Variants in SASS6 observed in about 807,000 individuals in gnomAD.
SASS6 encodes spindle assembly abnormal protein 6 homolog.
SASS6 carries 59 observed loss-of-function variants against 94.9 expected under a neutral mutation model. The observed-to-expected ratio is 0.62, with a 90% confidence interval of 0.50 to 0.77. The LOEUF (loss-of-function observed/expected upper bound fraction) is 0.77, where lower values mean the gene tolerates loss of function less well. SASS6 is among the 30% of genes least tolerant of loss of function. The pLI, the probability that SASS6 is intolerant of heterozygous loss-of-function variation, is 0.00. For missense variants in SASS6, 698 were observed against 734.1 expected, an observed-to-expected ratio of 0.95 and a Z score of 0.57; for synonymous variants, 264 against 270.0, an observed-to-expected ratio of 0.98 and a Z score of 0.22.
intron 14 of SASS6, among the ~76,000 whole-genome samples, chr1:100,093,145 C>T (rs938203981): frequency 3.3e-5 from 5 of 150,990 alleles, no homozygotes; most frequent in South Asian, 2.1e-4. Context: ...AGAACATTAT[C>T]CCAACAAAAA....
At chr1:100,112,942 A>C (rs1653454567) in intron 7 of SASS6, among the ~76,000 whole-genome samples, 1 of 152,340 alleles carries the variant, frequency 6.6e-6, no homozygotes, top group East Asian at 1.9e-4. Context: ...ATTATCTATT[A>C]GCAGGAAGAG....
At chr1:100,110,036 T>C (rs527985023) in intron 8 of SASS6, among the ~76,000 whole-genome samples, 4 of 152,150 alleles carry the variant, frequency 2.6e-5, no homozygotes, top group African/African-American at 4.8e-5. Context: ...TAAAAACATA[T>C]TGATAAATCT....
chr1:100,132,542 C>G (rs1655147355), intron 1 of SASS6, among the ~76,000 whole-genome samples: 1 of 152,178 alleles, frequency 6.6e-6, no homozygotes, highest in East Asian at 1.9e-4. Context: ...GGCTTCCTAA[C>G]TCCTCACACC....
At chr1:100,087,540 AACC>A (rs1473526398) in intron 15 of SASS6, among the ~76,000 whole-genome samples, 1 of 152,182 alleles carries the variant, frequency 6.6e-6, no homozygotes, top group Non-Finnish European at 1.5e-5. Context: ...GGTTTGATTT[AACC>A]ACAAGTCATT....
Position 100,085,107 on chromosome 1 carries a change from C to A in SASS6, c.*221G>T. Reference sequence around the variant, plus strand: ...ATTATTCTATAAAACGCCATGTTCACAAACCAAAAAATGTCATTTACTCAC... The same window carrying A: ...ATTATTCTATAAAACGCCATGTTCAAAAACCAAAAAATGTCATTTACTCAC... On this transcript the variant is annotated 3_prime_UTR_variant, in exon 17 of 17. Coordinates refer to ENST00000287482, the MANE Select transcript of SASS6 (RefSeq NM_194292.3). The A allele has an allele frequency of 2.1e-6, 1 of 478,770 alleles. No individual in the cohort carries two copies. Among genetic ancestry groups the A allele is most frequent in the Non-Finnish European group, 3.7e-6 (1 of 267,922 alleles). 29.7% of individuals were successfully genotyped at this position (478,770 alleles called of 1,614,324 possible).
At chr1:100,106,106 T>C (rs1280136437) in intron 12 of SASS6, among the ~76,000 whole-genome samples, 1 of 152,198 alleles carries the variant, frequency 6.6e-6, no homozygotes. Context: ...GACTCCTTAT[T>C]GTATTACTTT....
intron 13 of SASS6, among the ~76,000 whole-genome samples, chr1:100,103,320 C>G (rs1238300026): frequency 6.6e-6 from 1 of 152,104 alleles, no homozygotes; most frequent in South Asian, 2.1e-4. Flanking sequence ...AAACAAACTA[C>G]TGGGCCTGCC....
intron 14 of SASS6, among the ~76,000 whole-genome samples, chr1:100,089,196 G>T (rs1651515934): frequency 6.6e-6 from 1 of 151,960 alleles, no homozygotes; most frequent in African/African-American, 2.4e-5. Flanking sequence ...TAAACTTTAA[G>T]ACACAGCATC....
At chr1:100,104,271 C>T (rs1570693072) in intron 13 of SASS6, among the ~76,000 whole-genome samples, 1 of 152,150 alleles carries the variant, frequency 6.6e-6, no homozygotes, top group Non-Finnish European at 1.5e-5. Flanking sequence ...GATTATGAAA[C>T]AGTCTTGTTT....
intron 7 of SASS6, among the ~76,000 whole-genome samples, chr1:100,117,150 C>T (rs1311539363): frequency 2.0e-5 from 3 of 151,466 alleles, no homozygotes; most frequent in Non-Finnish European, 2.9e-5. Flanking sequence ...AAAATTTAGC[C>T]GGGCATGGTG....
At position 100,110,403 on chromosome 1, in the gene SASS6, T is replaced by C. The variant is rs543422632; in HGVS notation, c.750A>G (p.Leu250=). ...EILHQQNIHQ[L]QNRLSELEAA... ...CTTCTAACTCAGACAGTCTGTTTTGTAGCTGGTGGATGTTTTGTTGATGGA... is the reference window on the plus strand; with the variant it reads ...CTTCTAACTCAGACAGTCTGTTTTGCAGCTGGTGGATGTTTTGTTGATGGA... The change falls in exon 8 of 17, where the codon CTA becomes CTG. Residue 250 remains leucine, a synonymous_variant. Transcript: ENST00000287482. 6 of 1,610,936 alleles carry C rather than the reference T, an allele frequency of 3.7e-6. No individual in the cohort carries two copies. The highest frequency in any genetic ancestry group is 3.3e-5 in the South Asian group (3 of 90,946).
In SASS6 at chr1:100,107,699, C is replaced by T. The variant is rs773758946; in HGVS notation, c.1075G>A (p.Gly359Ser). Reference protein sequence around the residue: ...QEQKVVLEENGEKNQVQLGKL... With the variant: ...QEQKVVLEENSEKNQVQLGKL... ...CCTAGTTGTACTTGATTTTTCTCAC[C>T]ATTTTCTTCTAAAACCACCTGATAT... is the stretch of plus-strand genomic sequence containing the variant. Residue 359 changes from glycine to serine, a missense_variant, in exon 10 of 17, where the codon GGT (glycine) becomes AGT (serine). By Grantham distance (56) the Gly-to-Ser change is moderately conservative. Coordinates refer to ENST00000287482, the MANE Select transcript of SASS6 (RefSeq NM_194292.3). The T allele has an allele frequency of 3.7e-6, 6 of 1,601,876 alleles. No individual in the cohort carries two copies. The highest frequency in any genetic ancestry group is 5.1e-6 in the Non-Finnish European group (6 of 1,172,406).
At chr1:100,117,086 G>C (rs541010590) in intron 7 of SASS6, among the ~76,000 whole-genome samples, 2 of 152,126 alleles carry the variant, frequency 1.3e-5, no homozygotes, top group Non-Finnish European at 2.9e-5. Flanking sequence ...CTAAGGTCAG[G>C]AGTTCGAGAC....
chr1:100,132,881 G>A lies in SASS6; in HGVS notation c.-67C>T, dbSNP rs1179613561. 2 of 1,435,222 alleles carry A rather than the reference G, an allele frequency of 1.4e-6. No individual in the cohort carries two copies. Among genetic ancestry groups the A allele is most frequent in the Non-Finnish European group, 9.8e-7 (1 of 1,019,488 alleles). 88.9% of individuals were successfully genotyped at this position (1,435,222 alleles called of 1,614,324 possible). On this transcript the variant is annotated 5_prime_UTR_variant, in exon 1 of 17. Transcript: ENST00000287482. ...GGCCCGGCCCTCGGGATTAGCCTGAGAGGTCCGGGTCCTGATAAAGTTTGA... is the reference window on the plus strand; with the variant it reads ...GGCCCGGCCCTCGGGATTAGCCTGAAAGGTCCGGGTCCTGATAAAGTTTGA...
rs781201918 is a variant in SASS6 at position 100,102,969 on chromosome 1, C to A, written c.1660G>T (p.Gly554Cys). The change falls in exon 14 of 17, where the codon GGT becomes TGT. Residue 554 changes from glycine to cysteine, a missense_variant. Physicochemically the swap from Gly to Cys is radical, Grantham distance 159. Coordinates refer to ENST00000287482, the MANE Select transcript of SASS6 (RefSeq NM_194292.3). ...SISAKNTSHP[G>C]SGTKVQFNLQ... ...AATTTGGCTACCTTTGTTCCTGAAC[C>A]AGGGTGGCTGGTATTTTTGGCAGAT... 3 of 1,611,594 alleles carry A rather than the reference C, an allele frequency of 1.9e-6. No individual in the cohort carries two copies. The South Asian group carries it at 3.3e-5, about 18-fold the overall frequency.
intron 7 of SASS6, among the ~76,000 whole-genome samples, chr1:100,113,373 C>T (rs1557889641): frequency 3.3e-5 from 5 of 152,036 alleles, no homozygotes; most frequent in Middle Eastern, 3.2e-3. Flanking sequence ...CTTTGGGAGG[C>T]TGAGGCGGGC....
chr1:100,083,807 G>C lies in SASS6; in HGVS notation c.*1521C>G, dbSNP rs1469055883. ...CTTTCCTTGTGTATATATATGCAAA[G>C]AGATACCTATATTTTAAAAAAGAGA... On this transcript the variant is annotated 3_prime_UTR_variant, in exon 17 of 17. Transcript: ENST00000287482. 1 of 151,904 alleles carries C rather than the reference G, an allele frequency of 6.6e-6. No individual in the cohort carries two copies. Among genetic ancestry groups the C allele is most frequent in the Non-Finnish European group, 1.5e-5 (1 of 67,904 alleles). The allele number at this position is 151,904 out of a possible 1,614,324, so 9.4% of individuals were successfully genotyped here. A position where few individuals can be genotyped will look rare whatever the true frequency, so the allele number is the denominator to read the frequency against.
chr1:100,110,300 C>T lies in SASS6; in HGVS notation c.853G>A (p.Val285Ile), dbSNP rs1013226851. The T allele has an allele frequency of 1.9e-6, 3 of 1,560,380 alleles. No individual in the cohort carries two copies. Among genetic ancestry groups the T allele is most frequent in the Non-Finnish European group, 1.7e-6 (2 of 1,157,924 alleles). ...IRELKAKLSG[V>I]EEELQRTKQE... ...AAAACAACATTCAATACCTCTTCAA[C>T]ACCAGAAAGTTTTGCTTTAAGTTCT... The change falls in exon 8 of 17, where the codon GTT becomes ATT. Residue 285 changes from valine (V) to isoleucine (I), a missense_variant. Physicochemically the swap from Val to Ile is conservative, Grantham distance 29. Coordinates refer to ENST00000287482, the MANE Select transcript of SASS6 (RefSeq NM_194292.3).
At chr1:100,117,631 C>T (rs971031648) in intron 7 of SASS6, among the ~76,000 whole-genome samples, 7 of 149,082 alleles carry the variant, frequency 4.7e-5, no homozygotes, top group Admixed American at 4.0e-4. Flanking sequence ...CCAGTCTGAG[C>T]GACAGAGCGA....
Sources: allele counts gnomAD v4.1 joint callset (sites outside exome capture counted in the v4.1 genomes callset), GRCh38; gene constraint gnomAD v4.1.1; transcripts MANE v1.5; gene names NCBI Gene and HGNC (gene_info 2026-07-23, HGNC 2026-07-21).